Variants in FBXL2 observed in about 807,000 individuals in gnomAD.
FBXL2 encodes F-box and leucine rich repeat protein 2.
A neutral mutation model predicts 69.2 loss-of-function variants in FBXL2; 38 were observed. The observed-to-expected ratio is 0.55, with a 90% confidence interval of 0.42 to 0.72. FBXL2 has a LOEUF of 0.72. FBXL2 is among the 30% of genes least tolerant of loss of function. The probability of loss-of-function intolerance (pLI) is 0.00; values close to 1 mark genes in which losing one functional copy is unlikely to be tolerated. For synonymous variants in FBXL2, 192 were observed against 201.3 expected (o/e 0.95, Z 0.39); for missense variants, 354 against 520.3 (o/e 0.68, Z 3.11).
chr3:33,408,180 T>C (rs189958592), downstream of FBXL2, among the ~76,000 whole-genome samples: 4 of 152,274 alleles, frequency 2.6e-5, no homozygotes, highest in Non-Finnish European at 5.9e-5. Flanking sequence ...CACACATTTT[T>C]ATACTACATG....
chr3:33,383,940 C>T lies in FBXL2; in HGVS notation c.952-49C>T, dbSNP rs1198769137. ...TTCCAGCTTTTTTTTAGGACTTGAG[C>T]CTTGGAATAAGGGTCCTGCAAACAT... On this transcript the variant is annotated intron_variant, in intron 13 of 14. Coordinates refer to ENST00000484457, the MANE Select transcript of FBXL2 (RefSeq NM_012157.5). 3.2e-6 allele frequency: 5 copies of T among 1,578,142 alleles called. No homozygotes were observed. The East Asian group carries it at 1.1e-4, about 35-fold the overall frequency.
At chr3:33,318,664 ATC>A (rs2037917337) in intron 2 of FBXL2, among the ~76,000 whole-genome samples, 1 of 152,230 alleles carries the variant, frequency 6.6e-6, no homozygotes, top group South Asian at 2.1e-4. Flanking sequence ...ACATCAAGAT[ATC>A]TGTTTCTAAA....
chr3:33,383,167 A>T (rs1366934753), intron 13 of FBXL2: 2 of 152,214 alleles, frequency 1.3e-5, no homozygotes, highest in Non-Finnish European at 2.9e-5. Context: ...CAGTGCAGAG[A>T]AGTATACTTT....
intron 13 of FBXL2, among the ~76,000 whole-genome samples, chr3:33,380,523 A>G (rs1017919332): frequency 2.4e-4 from 35 of 145,828 alleles, no homozygotes; most frequent in African/African-American, 3.9e-4. Flanking sequence ...TCGCCATTGC[A>G]CTCCAGCCTG....
chr3:33,355,569 G>A (rs1045463263), intron 2 of FBXL2, among the ~76,000 whole-genome samples: 3 of 152,164 alleles, frequency 2.0e-5, no homozygotes, highest in African/African-American at 2.4e-5. Context: ...AAGGACTTAC[G>A]TTACCAGACA....
At chr3:33,299,016 T>TTTTTTTAA (rs1559504907) in intron 2 of FBXL2, among the ~76,000 whole-genome samples, 38 of 150,740 alleles carry the variant, frequency 2.5e-4, no homozygotes, top group African/African-American at 9.0e-4. Context: ...GGAATCCTTT[T>TTTTTTTAA]ATTTTTTTAA....
intron 1 of FBXL2, among the ~76,000 whole-genome samples, chr3:33,296,357 C>T (rs368778009): frequency 4.6e-5 from 7 of 152,234 alleles, no homozygotes; most frequent in African/African-American, 1.4e-4. Context: ...TGAGCTGCCA[C>T]GCCCAGCCAG....
chr3:33,307,559 T>G (rs760412392), intron 2 of FBXL2, among the ~76,000 whole-genome samples: 1 of 152,150 alleles, frequency 6.6e-6, no homozygotes, highest in Non-Finnish European at 1.5e-5. Context: ...ATATTACTGT[T>G]AATTTCCTTA....
chr3:33,396,302 G>C, intron 12 of FBXL2: 1 of 1,547,340 alleles, frequency 6.5e-7, no homozygotes. Context: ...AGATGCCACT[G>C]ATGAGCCTGG....
chr3:33,363,046 T>C (rs1369858338), intron 4 of FBXL2, among the ~76,000 whole-genome samples: 1 of 152,126 alleles, frequency 6.6e-6, no homozygotes, highest in Non-Finnish European at 1.5e-5. Context: ...GTTTTTTGTT[T>C]GTTTGTTTTT....
intron 2 of FBXL2, among the ~76,000 whole-genome samples, chr3:33,350,632 C>T (rs1422574358): frequency 6.6e-6 from 1 of 151,904 alleles, no homozygotes; most frequent in African/African-American, 2.4e-5. Flanking sequence ...GATGGGGTTT[C>T]AACATATTGG....
At chr3:33,410,370 A>G in the FBXL2 span, among the ~76,000 whole-genome samples, 1 of 152,190 alleles carries the variant, frequency 6.6e-6, no homozygotes, top group South Asian at 2.1e-4. Context: ...CTGATATGTA[A>G]AGCCAGGTCT....
In FBXL2 at chr3:33,373,657, C is replaced by G. The variant is rs751027206; in HGVS notation, c.535C>G (p.Arg179Gly). 1 of 1,614,132 alleles carries G rather than the reference C, an allele frequency of 6.2e-7. No individual in the cohort carries two copies. The highest frequency in any genetic ancestry group is 1.7e-5 in the Admixed American group (1 of 60,006). Residue 179 changes from arginine (R) to glycine (G), a missense_variant, in exon 8 of 15, where the codon CGA (arginine) becomes GGA (glycine). Coordinates refer to ENST00000484457, the MANE Select transcript of FBXL2 (RefSeq NM_012157.5). ...GAAGGATGGCATCGAGGCACTGGTG[C>G]GAGGTTGTCGAGGCCTGAAAGCCCT... is the stretch of plus-strand genomic sequence containing the variant. Reference protein sequence around the residue: ...ITKDGIEALVRGCRGLKALLL... With the variant: ...ITKDGIEALVGGCRGLKALLL...
chr3:33,322,948 T>C (rs2038364767), intron 2 of FBXL2, among the ~76,000 whole-genome samples: 2 of 152,228 alleles, frequency 1.3e-5, no homozygotes, highest in South Asian at 4.1e-4. Context: ...GTATCTCCCT[T>C]TGCTGTCTTT....
At chr3:33,409,664 T>C in the FBXL2 span, 25 of 1,606,402 alleles carry the variant, frequency 1.6e-5, no homozygotes, top group African/African-American at 3.3e-4. Flanking sequence ...TTCTATTTTG[T>C]TCCCTCTTGA....
downstream of FBXL2, chr3:33,389,903 C>T (rs2043690757): frequency 6.0e-6 from 1 of 165,818 alleles, no homozygotes; most frequent in African/African-American, 2.4e-5. Flanking sequence ...CACTGTCCCC[C>T]ATCTCCTCTC....
At chr3:33,397,350 T>C (rs2044041299) in intron 12 of FBXL2, 2 of 394,084 alleles carry the variant, frequency 5.1e-6, no homozygotes, top group Admixed American at 8.8e-5. Context: ...AGAAGGAGCT[T>C]AGAAGTCCTG....
chr3:33,317,678 T>G (rs749513149), intron 2 of FBXL2: 3 of 344,184 alleles, frequency 8.7e-6, no homozygotes, highest in Non-Finnish European at 1.7e-5. Context: ...CCCTTACCAT[T>G]GGTCTTGGTG....
chr3:33,305,568 G>A (rs1295769820), intron 2 of FBXL2, among the ~76,000 whole-genome samples: 2 of 151,854 alleles, frequency 1.3e-5, no homozygotes, highest in African/African-American at 4.8e-5. Flanking sequence ...AAGCCTCAAA[G>A]AATTGAGTTG....
Sources: gnomAD v4.1 joint callset for allele counts (sites outside exome capture counted in the v4.1 genomes callset) on GRCh38, gnomAD v4.1.1 for gene constraint, MANE v1.5 for transcripts, NCBI Gene and HGNC (gene_info 2026-07-23, HGNC 2026-07-21) for gene names.